Variants in DTWD2 observed in about 807,000 individuals in gnomAD.
DTWD2 encodes DTW motif tRNA-uridine aminocarboxypropyltransferase 2.
DTWD2 carries 39 observed loss-of-function variants against 31.8 expected under a neutral mutation model. The observed-to-expected ratio is 1.22, with a 90% confidence interval of 0.95 to 1.60. The LOEUF is 1.60. Among genes scored for constraint, DTWD2 ranks in the 40% most tolerant of loss-of-function variants. The pLI, the probability that DTWD2 is intolerant of heterozygous loss-of-function variation, is 0.00. For missense variants in DTWD2, 515 were observed against 381.5 expected (o/e 1.35, Z -2.92); for synonymous variants, 180 against 142.8 (o/e 1.26, Z -1.86).
chr5:118,978,144 G>A (rs1378360572), intron 1 of DTWD2, among the ~76,000 whole-genome samples: 1 of 151,248 alleles, frequency 6.6e-6, no homozygotes, highest in African/African-American at 2.4e-5. Context: ...TTTTTTACGT[G>A]GTGCTGGGAG....
At chr5:118,932,913 T>A (rs1753959008) in intron 3 of DTWD2, among the ~76,000 whole-genome samples, 1 of 151,776 alleles carries the variant, frequency 6.6e-6, no homozygotes, top group African/African-American at 2.4e-5. Flanking sequence ...TCAATTAAAT[T>A]GATAAAACTA....
chr5:118,926,196 T>TAC (rs1353152819), intron 4 of DTWD2, among the ~76,000 whole-genome samples: 1 of 152,144 alleles, frequency 6.6e-6, no homozygotes, highest in Non-Finnish European at 1.5e-5. Context: ...AGTATATATA[T>TAC]ACCACGGAAT....
intron 4 of DTWD2, among the ~76,000 whole-genome samples, chr5:118,877,946 G>T (rs1752658290): frequency 6.6e-6 from 1 of 152,078 alleles, no homozygotes; most frequent in Admixed American, 6.5e-5. Flanking sequence ...ATTCACAACT[G>T]CTACAAAAAG....
chr5:118,963,545 T>A lies in DTWD2; in HGVS notation c.219-18896A>T, dbSNP rs527424132. 2.0e-5 allele frequency among the ~76,000 whole-genome samples: 3 copies of A among 152,308 alleles called. No homozygotes were observed. In the South Asian group the frequency reaches 6.2e-4, roughly 32 times the overall value. ...CCTTCTTTACCTAAAATATAAGCAT[T>A]GAAGTTCTCCAGGAAAGGAATAAAA... is the stretch of plus-strand genomic sequence containing the variant. On this transcript the variant is annotated intron_variant, in intron 1 of 5. Coordinates refer to ENST00000510708, the MANE Select transcript of DTWD2 (RefSeq NM_173666.4).
intron 1 of DTWD2, among the ~76,000 whole-genome samples, chr5:118,978,930 G>T (rs1051425878): frequency 6.6e-6 from 1 of 151,150 alleles, no homozygotes; most frequent in African/African-American, 2.4e-5. Context: ...TGCTTGAGCC[G>T]GGAAGATGGA....
chr5:118,983,303 G>T (rs1755348862), intron 1 of DTWD2, among the ~76,000 whole-genome samples: 1 of 152,174 alleles, frequency 6.6e-6, no homozygotes, highest in South Asian at 2.1e-4. Context: ...CAGGAAGGTG[G>T]TCTCTGAAGC....
chr5:118,923,907 T>C (rs767042578), intron 4 of DTWD2, among the ~76,000 whole-genome samples: 1 of 152,162 alleles, frequency 6.6e-6, no homozygotes, highest in Non-Finnish European at 1.5e-5. Context: ...CACTGGAACA[T>C]GTTAGACAAC....
At chr5:118,874,315 C>G (rs1020287064) in intron 4 of DTWD2, among the ~76,000 whole-genome samples, 1 of 152,184 alleles carries the variant, frequency 6.6e-6, no homozygotes, top group Non-Finnish European at 1.5e-5. Flanking sequence ...CTCCAAATGA[C>G]CACATCACCT....
At chr5:118,942,535 C>G (rs1198503275) in intron 2 of DTWD2, among the ~76,000 whole-genome samples, 3 of 151,116 alleles carry the variant, frequency 2.0e-5, no homozygotes, top group African/African-American at 7.3e-5. Context: ...AAAGGCCAAG[C>G]ATGATGGCTC....
intron 4 of DTWD2, among the ~76,000 whole-genome samples, chr5:118,863,085 G>A (rs140254316): frequency 1.5e-3 from 227 of 152,188 alleles, no homozygotes; most frequent in African/African-American, 5.0e-3. Flanking sequence ...TTCAAGCCAC[G>A]TTTAGTAACA....
chr5:118,976,030 A>T (rs536752628), intron 1 of DTWD2, among the ~76,000 whole-genome samples: 2 of 152,354 alleles, frequency 1.3e-5, no homozygotes, highest in African/African-American at 4.8e-5. Flanking sequence ...CTCAGAATTA[A>T]GAAACTCACT....
intron 1 of DTWD2, chr5:118,988,044 C>G (rs757468694): frequency 2.1e-5 from 15 of 704,848 alleles, no homozygotes; most frequent in Non-Finnish European, 3.6e-5. Context: ...GGAAACAGAA[C>G]TGATGTCTGC....
intron 1 of DTWD2, among the ~76,000 whole-genome samples, chr5:118,969,387 C>G (rs1291467126): frequency 6.6e-6 from 1 of 152,176 alleles, no homozygotes; most frequent in Non-Finnish European, 1.5e-5. Flanking sequence ...GGTGAGAACT[C>G]CCAGTAGGGG....
At chr5:118,910,066 C>T (rs1411165662) in intron 4 of DTWD2, among the ~76,000 whole-genome samples, 1 of 152,196 alleles carries the variant, frequency 6.6e-6, no homozygotes, top group Non-Finnish European at 1.5e-5. Flanking sequence ...CTCCTTATAA[C>T]ATGTGAACAT....
chr5:118,936,678 C>T (rs1754053088), intron 3 of DTWD2, among the ~76,000 whole-genome samples: 1 of 150,314 alleles, frequency 6.7e-6, no homozygotes. Context: ...TATGAATGAA[C>T]AAAAAGTTTT....
At chr5:118,963,443 T>C (rs1429900755) in intron 1 of DTWD2, among the ~76,000 whole-genome samples, 3 of 152,080 alleles carry the variant, frequency 2.0e-5, no homozygotes, top group African/African-American at 7.2e-5. Flanking sequence ...AAGGGGTGTA[T>C]GGAGGAGGAA....
At chr5:118,889,148 A>G (rs1401473689) in intron 4 of DTWD2, among the ~76,000 whole-genome samples, 2 of 152,152 alleles carry the variant, frequency 1.3e-5, no homozygotes, top group African/African-American at 4.8e-5. Flanking sequence ...CTTTTGGTGA[A>G]ATCATAGACA....
chr5:118,915,756 G>A (rs1169723019), intron 4 of DTWD2, among the ~76,000 whole-genome samples: 1 of 152,188 alleles, frequency 6.6e-6, no homozygotes, highest in Non-Finnish European at 1.5e-5. Context: ...TAATCACTAA[G>A]AATTCCATCT....
At chr5:118,961,737 T>A (rs1028528512) in intron 1 of DTWD2, among the ~76,000 whole-genome samples, 1 of 152,192 alleles carries the variant, frequency 6.6e-6, no homozygotes, top group Non-Finnish European at 1.5e-5. Context: ...TGTCTATATT[T>A]TAAAACACTG....
Sources: gnomAD v4.1 joint callset for allele counts (sites outside exome capture counted in the v4.1 genomes callset) on GRCh38, gnomAD v4.1.1 for gene constraint, MANE v1.5 for transcripts, NCBI Gene and HGNC (gene_info 2026-07-23, HGNC 2026-07-21) for gene names.